The following RPS6KC1 variants were observed in gnomAD, a reference collection of about 807,000 sequenced individuals.
The protein encoded by RPS6KC1 is ribosomal protein S6 kinase C1.
Under a neutral mutation model 103.8 loss-of-function variants are expected in RPS6KC1, and 54 were observed. The observed-to-expected ratio is 0.52, with a 90% CI of 0.42 to 0.65. RPS6KC1 has a LOEUF of 0.65. Among genes scored for constraint, RPS6KC1 ranks in the 30% least tolerant of loss-of-function variants. The pLI, the probability that RPS6KC1 is intolerant of heterozygous loss-of-function variation, is 0.00. For missense variants in RPS6KC1, 1,151 were observed against 1,253.8 expected (o/e 0.92, Z 1.24); for synonymous variants, 439 against 438.7 (o/e 1.00, Z -0.01).
the RPS6KC1 span, among the ~76,000 whole-genome samples, chr1:213,779,769 A>G: frequency 6.6e-6 from 1 of 152,218 alleles, no homozygotes; most frequent in Non-Finnish European, 1.5e-5. Flanking sequence ...AAAGGGTGGA[A>G]CTAGTTGCCA....
At chr1:213,068,431 C>T (rs959828354) in intron 1 of RPS6KC1, among the ~76,000 whole-genome samples, 2 of 134,210 alleles carry the variant, frequency 1.5e-5, no homozygotes, top group Non-Finnish European at 3.1e-5. Flanking sequence ...TTGCAGTGAG[C>T]CAAGATCGCG....
intron 6 of RPS6KC1, among the ~76,000 whole-genome samples, chr1:213,147,014 A>G (rs1279019333): frequency 1.3e-5 from 2 of 152,070 alleles, no homozygotes; most frequent in Non-Finnish European, 2.9e-5. Flanking sequence ...ATGTCTGTTC[A>G]TATCTTATGC....
intron 10 of RPS6KC1, among the ~76,000 whole-genome samples, chr1:213,240,061 G>A (rs1011702293): frequency 3.3e-5 from 5 of 152,140 alleles, no homozygotes; most frequent in East Asian, 1.9e-4. Context: ...CGGAATTTCC[G>A]TAGCTTGCTT....
At chr1:213,587,348 C>A in the RPS6KC1 span, among the ~76,000 whole-genome samples, 23 of 152,174 alleles carry the variant, frequency 1.5e-4, no homozygotes, top group Admixed American at 5.9e-4. Context: ...ATGGTGGCAT[C>A]CAGCTTGCTG....
At chr1:213,481,110 C>T in the RPS6KC1 span, among the ~76,000 whole-genome samples, 5,684 of 152,134 alleles carry the variant, frequency 0.037, 141 homozygotes, top group Middle Eastern at 0.051. Context: ...GCATTATCAA[C>T]GCTATGTTAG....
chr1:213,709,342 G>T, the RPS6KC1 span, among the ~76,000 whole-genome samples: 1 of 152,284 alleles, frequency 6.6e-6, no homozygotes, highest in Non-Finnish European at 1.5e-5. Context: ...TTGCATAGAG[G>T]TGTTTATAGT....
chr1:213,861,940 T>G, the RPS6KC1 span, among the ~76,000 whole-genome samples: 2 of 152,118 alleles, frequency 1.3e-5, no homozygotes, highest in African/African-American at 4.8e-5. Context: ...TCGCCCTCTT[T>G]GCACTTCCCT....
chr1:213,314,291 C>G, the RPS6KC1 span, among the ~76,000 whole-genome samples: 2 of 152,216 alleles, frequency 1.3e-5, no homozygotes, highest in Non-Finnish European at 2.9e-5. Flanking sequence ...AGCCCTATTT[C>G]CAAATCAGAT....
chr1:213,834,048 C>T, the RPS6KC1 span, among the ~76,000 whole-genome samples: 13 of 151,922 alleles, frequency 8.6e-5, no homozygotes, highest in Admixed American at 2.6e-4. Context: ...GTTCTTTTTT[C>T]GGGGAGGAAT....
At chr1:213,572,172 G>A in the RPS6KC1 span, among the ~76,000 whole-genome samples, 1 of 152,358 alleles carries the variant, frequency 6.6e-6, no homozygotes, top group Non-Finnish European at 1.5e-5. Flanking sequence ...AGACATAGCT[G>A]CCTGCTTCAG....
the RPS6KC1 span, among the ~76,000 whole-genome samples, chr1:213,561,270 T>C: frequency 6.6e-6 from 1 of 152,220 alleles, no homozygotes; most frequent in East Asian, 1.9e-4. Context: ...ATACCACAGA[T>C]ATACTGTAAA....
the RPS6KC1 span, among the ~76,000 whole-genome samples, chr1:213,615,797 C>T: frequency 6.6e-6 from 1 of 152,240 alleles, no homozygotes; most frequent in Non-Finnish European, 1.5e-5. Flanking sequence ...GGGGAGGCAT[C>T]CAGCCTGCTT....
chr1:213,745,228 T>A, the RPS6KC1 span, among the ~76,000 whole-genome samples: 1 of 81,928 alleles, frequency 1.2e-5, no homozygotes, highest in Non-Finnish European at 3.1e-5. Flanking sequence ...GAAGCTAGGG[T>A]TTTTTTTTTT....
intron 3 of RPS6KC1, among the ~76,000 whole-genome samples, chr1:213,097,762 A>T (rs534016364): frequency 1.2e-4 from 19 of 152,354 alleles, no homozygotes; most frequent in African/African-American, 3.8e-4. Context: ...AACTTGAAGC[A>T]GCCTCTACAG....
chr1:213,153,112 G>A (rs898919017), intron 6 of RPS6KC1, among the ~76,000 whole-genome samples: 1 of 152,212 alleles, frequency 6.6e-6, no homozygotes, highest in Admixed American at 6.5e-5. Flanking sequence ...GTCTGCAATC[G>A]CAGGCACTCG....
chr1:213,808,125 G>A, the RPS6KC1 span, among the ~76,000 whole-genome samples: 57 of 152,168 alleles, frequency 3.7e-4, no homozygotes, highest in African/African-American at 8.4e-4. Flanking sequence ...CTGTCTGATC[G>A]TTCCTCTGGA....
chr1:213,186,565 T>G (rs2092540989), intron 8 of RPS6KC1, among the ~76,000 whole-genome samples: 1 of 152,174 alleles, frequency 6.6e-6, no homozygotes, highest in African/African-American at 2.4e-5. Context: ...GTAGTCTTAC[T>G]TGGGTTGAAC....
the RPS6KC1 span, among the ~76,000 whole-genome samples, chr1:213,422,798 C>T: frequency 6.6e-6 from 1 of 152,316 alleles, no homozygotes; most frequent in South Asian, 2.1e-4. Context: ...TGTATTGACA[C>T]CATATTACAC....
At chr1:213,730,213 G>C in the RPS6KC1 span, among the ~76,000 whole-genome samples, 1 of 152,134 alleles carries the variant, frequency 6.6e-6, no homozygotes, top group Admixed American at 6.5e-5. Context: ...TTGCTATTGT[G>C]AATAGTGCTG....
Sources: gnomAD v4.1 joint callset for allele counts (sites outside exome capture counted in the v4.1 genomes callset) on GRCh38, gnomAD v4.1.1 for gene constraint, MANE v1.5 for transcripts, NCBI Gene and HGNC (gene_info 2026-07-23, HGNC 2026-07-21) for gene names.